Variants in DYM observed in about 807,000 individuals in gnomAD.
DYM encodes dyggve-Melchior-Clausen syndrome protein.
Under a neutral mutation model 93.1 loss-of-function variants are expected in DYM, and 78 were observed. The observed-to-expected ratio is 0.84, with a 90% confidence interval of 0.70 to 1.01. The LOEUF (loss-of-function observed/expected upper bound fraction) is 1.01, where lower values mean the gene tolerates loss of function less well. DYM is among the 50% of genes least tolerant of loss of function. The pLI, the probability that DYM is intolerant of heterozygous loss-of-function variation, is 0.00. For synonymous variants in DYM, 321 were observed against 319.7 expected (o/e 1.00, Z -0.04); for missense variants, 789 against 845.0 (o/e 0.93, Z 0.82).
intron 3 of DYM, among the ~76,000 whole-genome samples, chr18:49,390,420 A>G (rs79621189): frequency 0.091 from 13,831 of 151,190 alleles, 859 homozygotes; most frequent in East Asian, 0.31. Context: ...GCAAAGCAAG[A>G]CTCTATCTCT....
chr18:49,428,090 CAAAAAAAA>C (rs1246089098), intron 2 of DYM, among the ~76,000 whole-genome samples: 1 of 140,764 alleles, frequency 7.1e-6, no homozygotes, highest in Non-Finnish European at 1.6e-5. Flanking sequence ...GACCTTGTCT[CAAAAAAAA>C]AAGAAAAAAA....
At chr18:49,187,813 A>G in intron 14 of DYM, among the ~76,000 whole-genome samples, 1 of 152,234 alleles carries the variant, frequency 6.6e-6, no homozygotes, top group East Asian at 1.9e-4. Context: ...TATCACCTAC[A>G]GAACCATGTT....
chr18:49,459,929 G>A (rs2083350087), intron 1 of DYM, among the ~76,000 whole-genome samples: 1 of 134,524 alleles, frequency 7.4e-6, no homozygotes, highest in Non-Finnish European at 1.6e-5. Context: ...GGGGGGGGCG[G>A]TGATTAAAAA....
Position 49,044,173 on chromosome 18 carries a change from T to G in DYM, c.2057A>C (p.Glu686Ala). ...AAAAAACTCCTCGGGCTGCTCCTCT[T>G]CCACATATTTGAATTTCAATTCTGG... ...KFPELKFKYV[E>A]EEQPEEFFIP... The change falls in exon 18 of 18, where the codon GAA (glutamate) becomes GCA (alanine). Residue 686 changes from glutamate to alanine, a missense_variant. Glu to Ala is a moderately radical substitution (Grantham distance 107, BLOSUM62 -1). Around this residue, in one of 3 missense-constraint regions of DYM, gnomAD observed 114 missense variants for 105.8 expected, o/e 1.08. Coordinates refer to ENST00000675505, the MANE Select transcript of DYM (RefSeq NM_001353214.3). 1.9e-6 allele frequency: 3 copies of G among 1,614,110 alleles called. No individual in the cohort carries two copies. Among genetic ancestry groups the G allele is most frequent in the Non-Finnish European group, 2.5e-6 (3 of 1,180,004 alleles).
intron 15 of DYM, among the ~76,000 whole-genome samples, chr18:49,125,012 C>A (rs1310203654): frequency 1.3e-5 from 2 of 152,208 alleles, no homozygotes; most frequent in Non-Finnish European, 2.9e-5. Flanking sequence ...GTAATCCCAG[C>A]ACTTTGGGAG....
At chr18:49,233,968 A>C (rs987508638) in intron 13 of DYM, among the ~76,000 whole-genome samples, 3 of 152,104 alleles carry the variant, frequency 2.0e-5, no homozygotes, top group African/African-American at 4.8e-5. Context: ...CTACTAAAAA[A>C]AATACAAAAA....
intron 17 of DYM, among the ~76,000 whole-genome samples, chr18:49,070,626 G>A (rs2076808740): frequency 3.9e-5 from 6 of 152,194 alleles, no homozygotes; most frequent in Admixed American, 3.9e-4. Context: ...AGGGAGTAGA[G>A]AAGCCGTTTC....
intron 15 of DYM, among the ~76,000 whole-genome samples, chr18:49,121,871 A>C (rs1429711921): frequency 6.6e-6 from 1 of 152,216 alleles, no homozygotes; most frequent in Non-Finnish European, 1.5e-5. Context: ...AGATAAAAAT[A>C]AGTTGAGATA....
chr18:49,109,442 C>T (rs1340965616), intron 16 of DYM, among the ~76,000 whole-genome samples: 1 of 152,090 alleles, frequency 6.6e-6, no homozygotes, highest in Non-Finnish European at 1.5e-5. Flanking sequence ...CTTTAATTAT[C>T]ACAGTCTATC....
chr18:49,320,568 G>A (rs534115776), intron 8 of DYM, among the ~76,000 whole-genome samples: 114 of 152,156 alleles, frequency 7.5e-4, no homozygotes, highest in African/African-American at 2.6e-3. Context: ...TTCATCTCCC[G>A]GGTTCAAGTA....
intron 1 of DYM, among the ~76,000 whole-genome samples, chr18:49,446,682 G>A (rs1568463272): frequency 6.6e-6 from 1 of 152,194 alleles, no homozygotes; most frequent in African/African-American, 2.4e-5. Flanking sequence ...ATGATATACA[G>A]AGATACGGAT....
chr18:49,242,063 C>T (rs900177974), intron 13 of DYM, among the ~76,000 whole-genome samples: 23 of 152,224 alleles, frequency 1.5e-4, no homozygotes, highest in African/African-American at 5.5e-4. Context: ...TTACACTCCA[C>T]TTGCTCTCAC....
At chr18:49,447,976 G>A (rs1478803413) in intron 1 of DYM, among the ~76,000 whole-genome samples, 1 of 152,102 alleles carries the variant, frequency 6.6e-6, no homozygotes, top group Admixed American at 6.5e-5. Context: ...TCTGCCCTTG[G>A]TCTAGAGAGT....
intron 8 of DYM, among the ~76,000 whole-genome samples, chr18:49,295,831 T>TAA (rs545463703): frequency 1.6e-4 from 24 of 147,154 alleles, no homozygotes; most frequent in African/African-American, 5.7e-4. Flanking sequence ...CATGCTTTGC[T>TAA]AAAAAAAAAA....
intron 13 of DYM, among the ~76,000 whole-genome samples, chr18:49,216,586 C>T (rs896857961): frequency 2.0e-5 from 3 of 152,150 alleles, no homozygotes; most frequent in African/African-American, 4.8e-5. Flanking sequence ...CAGCAGCATT[C>T]GTGGTTCATG....
intron 16 of DYM, among the ~76,000 whole-genome samples, chr18:49,104,304 G>C (rs2080531368): frequency 6.6e-6 from 1 of 152,184 alleles, no homozygotes; most frequent in South Asian, 2.1e-4. Flanking sequence ...AGCTTGAGGA[G>C]ATTTTGGGCT....
At chr18:49,256,228 C>T (rs2094392050) in intron 13 of DYM, among the ~76,000 whole-genome samples, 1 of 152,090 alleles carries the variant, frequency 6.6e-6, no homozygotes, top group Non-Finnish European at 1.5e-5. Flanking sequence ...ATGGCAAAAG[C>T]GACCTTGTGA....
rs1036113681 is a variant in DYM, at chr18:49,037,290, T to C, written c.*6765A>G. Among the ~76,000 whole-genome samples, 1 of 152,218 alleles carries C rather than the reference T, an allele frequency of 6.6e-6. No individual in the cohort carries two copies. Among genetic ancestry groups the C allele is most frequent in the Non-Finnish European group, 1.5e-5 (1 of 68,036 alleles). On this transcript the variant is annotated 3_prime_UTR_variant, in exon 18 of 18. Coordinates refer to ENST00000675505, the MANE Select transcript of DYM (RefSeq NM_001353214.3). The stretch of plus-strand genomic sequence containing the variant: ...TAATTTGGCTTATTTTTGGGTTTCA[T>C]GTGCTGTTTTTAAAATTTTTGAGGT...
intron 2 of DYM, among the ~76,000 whole-genome samples, chr18:49,399,909 T>C (rs2070570017): frequency 6.6e-6 from 1 of 151,874 alleles, no homozygotes; most frequent in African/African-American, 2.4e-5. Flanking sequence ...AAAATATTTT[T>C]TAAAAGACAT....
Sources: gnomAD v4.1 joint callset for allele counts (sites outside exome capture counted in the v4.1 genomes callset) on GRCh38, gnomAD v4.1.1 for gene constraint, gnomAD v4.1.1 regional missense constraint, MANE v1.5 for transcripts, NCBI Gene and HGNC (gene_info 2026-07-23, HGNC 2026-07-21) for gene names.